KALRN: variants seen among roughly 807,000 people sequenced by gnomAD.
The protein encoded by KALRN is kalirin RhoGEF kinase, also known as kalirin.
In KALRN, 70 loss-of-function variants were observed where a neutral mutation model predicts 353.7. That is an observed-to-expected ratio of 0.20 (90% CI 0.16 to 0.24). The LOEUF (loss-of-function observed/expected upper bound fraction) is 0.24. Ranked by LOEUF, KALRN falls within the 10% of genes least tolerant of loss-of-function variation. The probability of loss-of-function intolerance (pLI) is 1.00; values close to 1 mark genes in which losing one functional copy is unlikely to be tolerated. For synonymous variants in KALRN, 1,391 were observed against 1,434.8 expected, an observed-to-expected ratio of 0.97 and a Z score of 0.69; for missense variants, 2,791 against 3,756.7, an observed-to-expected ratio of 0.74 and a Z score of 6.72.
chr3:124,580,669 T>A (rs926606855), intron 34 of KALRN, among the ~76,000 whole-genome samples: 2 of 152,328 alleles, frequency 1.3e-5, no homozygotes, highest in South Asian at 4.1e-4. Context: ...TCCTAGTAGC[T>A]AGCTTCAGAA....
At chr3:124,121,586 C>T (rs1355057633) in intron 1 of KALRN, among the ~76,000 whole-genome samples, 1 of 152,196 alleles carries the variant, frequency 6.6e-6, no homozygotes, top group Non-Finnish European at 1.5e-5. Flanking sequence ...TCTCCTTTAT[C>T]AGACCATTAG....
At chr3:124,299,069 A>C (rs1022647057) in intron 6 of KALRN, among the ~76,000 whole-genome samples, 156 bp downstream of exon 6, 1 of 152,234 alleles carries the variant, frequency 6.6e-6, no homozygotes, top group African/African-American at 2.4e-5. Context: ...AGTGCAGGGC[A>C]TGTGGCCAGC....
intron 1 of KALRN, among the ~76,000 whole-genome samples, chr3:124,038,620 G>A (rs2039647946): frequency 1.3e-5 from 2 of 152,188 alleles, no homozygotes; most frequent in African/African-American, 4.8e-5. Context: ...AAAAAAGTAA[G>A]AAGATAAATG....
At chr3:124,578,839 A>G (rs1487763144) in intron 34 of KALRN, among the ~76,000 whole-genome samples, 1 of 151,108 alleles carries the variant, frequency 6.6e-6, no homozygotes, top group East Asian at 2.0e-4. Context: ...CCTGTGGGGA[A>G]AGGAGAGCAA....
At chr3:124,530,073 A>T (rs2067914496) in intron 33 of KALRN, among the ~76,000 whole-genome samples, 1 of 152,160 alleles carries the variant, frequency 6.6e-6, no homozygotes, top group East Asian at 1.9e-4. Flanking sequence ...CAATCCATCT[A>T]TTGTGAGTCA....
chr3:124,115,483 C>T (rs548673948), intron 1 of KALRN, among the ~76,000 whole-genome samples: 5 of 152,236 alleles, frequency 3.3e-5, no homozygotes, highest in African/African-American at 1.2e-4. Context: ...CTGTTTTGGG[C>T]GTCCGTCAGA....
At chr3:124,074,712 G>A (rs1278919774) in intron 1 of KALRN, among the ~76,000 whole-genome samples, 4 of 152,094 alleles carry the variant, frequency 2.6e-5, no homozygotes, top group Non-Finnish European at 5.9e-5. Context: ...AGTACCTCAC[G>A]TTAGCTCCCT....
At chr3:124,080,509 G>A (rs2060486283) in intron 1 of KALRN, among the ~76,000 whole-genome samples, 1 of 152,148 alleles carries the variant, frequency 6.6e-6, no homozygotes, top group African/African-American at 2.4e-5. Context: ...ATGTGTGTTT[G>A]AGGTTAACAT....
chr3:124,605,249 A>G (rs951199078), intron 34 of KALRN, among the ~76,000 whole-genome samples: 1 of 151,594 alleles, frequency 6.6e-6, no homozygotes, highest in Admixed American at 6.6e-5. Flanking sequence ...TCTGGCCTAA[A>G]TTCCTTTCTG....
intron 5 of KALRN, among the ~76,000 whole-genome samples, chr3:124,284,659 C>G (rs1164225691): frequency 1.3e-5 from 2 of 152,206 alleles, no homozygotes; most frequent in African/African-American, 4.8e-5. Context: ...TCACCCGTGT[C>G]TAACCCAATG....
At chr3:124,233,629 T>C (rs2079429578) in intron 2 of KALRN, among the ~76,000 whole-genome samples, 1 of 152,210 alleles carries the variant, frequency 6.6e-6, no homozygotes, top group Non-Finnish European at 1.5e-5. Context: ...GCCTCCCCTC[T>C]ATCTGTGTGG....
intron 34 of KALRN, chr3:124,584,638 TC>T: frequency 1.4e-6 from 2 of 1,409,882 alleles, no homozygotes; most frequent in Non-Finnish European, 1.8e-6. Flanking sequence ...GCCTGGCCCC[TC>T]CCCGCTTCCC....
intron 5 of KALRN, among the ~76,000 whole-genome samples, chr3:124,286,082 C>CTTTCTTTTTT: frequency 2.0e-5 from 2 of 102,156 alleles, no homozygotes; most frequent in Middle Eastern, 4.3e-3. Context: ...TTCTTTCCTT[C>CTTTCTTTTTT]CTTTCTTTCT....
chr3:124,618,734 T>C (rs1017937177), intron 34 of KALRN, among the ~76,000 whole-genome samples: 1 of 152,126 alleles, frequency 6.6e-6, no homozygotes, highest in Non-Finnish European at 1.5e-5. Context: ...CTGCCAGATA[T>C]GGAGCTTGGG....
intron 10 of KALRN, among the ~76,000 whole-genome samples, chr3:124,355,437 ATGTTT>A (rs1354357696): frequency 6.6e-6 from 1 of 152,206 alleles, no homozygotes; most frequent in African/African-American, 2.4e-5. Context: ...GTAACTGGAT[ATGTTT>A]TGTTTTAAGT....
chr3:124,205,392 C>T (rs1326055746), intron 1 of KALRN, among the ~76,000 whole-genome samples: 2 of 152,184 alleles, frequency 1.3e-5, no homozygotes, highest in Non-Finnish European at 2.9e-5. Flanking sequence ...ATGAAAATCG[C>T]TCTCGCAGCT....
At chr3:124,450,344 A>G (rs2058658381) in intron 21 of KALRN, among the ~76,000 whole-genome samples, 1 of 152,224 alleles carries the variant, frequency 6.6e-6, no homozygotes, top group African/African-American at 2.4e-5. Context: ...TCTGAAAATG[A>G]AAGAAGCCTT....
At chr3:124,656,508 G>A (rs1200192508) in intron 39 of KALRN, among the ~76,000 whole-genome samples, 2 of 152,178 alleles carry the variant, frequency 1.3e-5, no homozygotes, top group African/African-American at 4.8e-5. Flanking sequence ...CTACTCAGGA[G>A]GCCGAGGCAG....
At chr3:124,079,648 A>G (rs1251072003) in intron 1 of KALRN, among the ~76,000 whole-genome samples, 1 of 152,194 alleles carries the variant, frequency 6.6e-6, no homozygotes, top group African/African-American at 2.4e-5. Context: ...TGGAGATATT[A>G]AAGATTACAT....
Sources: allele counts gnomAD v4.1 joint callset (sites outside exome capture counted in the v4.1 genomes callset), GRCh38; gene constraint gnomAD v4.1.1; transcripts MANE v1.5; gene names NCBI Gene and HGNC (gene_info 2026-07-23, HGNC 2026-07-21).